CYFIP2: variants seen among roughly 807,000 people sequenced by gnomAD.
The protein encoded by CYFIP2 is cytoplasmic FMR1-interacting protein 2.
Under a neutral mutation model 158.7 loss-of-function variants are expected in CYFIP2, and 29 were observed. The observed-to-expected ratio is 0.18, with a 90% confidence interval of 0.14 to 0.25. The LOEUF is 0.25. Ranked by LOEUF, CYFIP2 falls within the 10% of genes least tolerant of loss-of-function variation. The probability of loss-of-function intolerance (pLI) is 1.00; values close to 1 mark genes in which losing one functional copy is unlikely to be tolerated. For missense variants in CYFIP2, 852 were observed against 1,639.5 expected (o/e 0.52, Z 8.29); for synonymous variants, 585 against 617.6 (o/e 0.95, Z 0.78).
At chr5:157,370,831 C>T (rs1030378233) in intron 26 of CYFIP2, among the ~76,000 whole-genome samples, 3 of 152,180 alleles carry the variant, frequency 2.0e-5, no homozygotes, top group African/African-American at 7.2e-5. Flanking sequence ...AATAATAATT[C>T]TATTATCCCC....
intron 23 of CYFIP2, among the ~76,000 whole-genome samples, chr5:157,350,479 G>C (rs1762991109): frequency 6.6e-6 from 1 of 152,152 alleles, no homozygotes; most frequent in South Asian, 2.1e-4. Flanking sequence ...CTGTTCCATT[G>C]GTCTATATGC....
At chr5:157,366,627 G>C (rs1764395586) in intron 26 of CYFIP2, among the ~76,000 whole-genome samples, 1 of 152,182 alleles carries the variant, frequency 6.6e-6, no homozygotes, top group Non-Finnish European at 1.5e-5. Flanking sequence ...TGTAGTGGTA[G>C]TGCTATGTCT....
intron 15 of CYFIP2, among the ~76,000 whole-genome samples, chr5:157,321,020 C>T (rs1043888216): frequency 6.6e-6 from 1 of 152,220 alleles, no homozygotes; most frequent in African/African-American, 2.4e-5. Context: ...GTCCTAGATA[C>T]CTGTGTGACC....
chr5:157,307,743 G>T lies in CYFIP2; in HGVS notation c.796-18G>T. ...CAGATGTGATTAGTTTCTATGCTCT[G>T]CCCTCTTCTCATTCTAGGTGATGGG... On this transcript the variant is annotated intron_variant, in intron 8 of 30. Transcript: ENST00000620254. The T allele has an allele frequency of 2.0e-6, 3 of 1,526,820 alleles. No homozygotes were observed. Among genetic ancestry groups the T allele is most frequent in the African/African-American group, 1.4e-5 (1 of 73,268 alleles). The allele number at this position is 1,526,820 out of a possible 1,614,324, so 94.6% of individuals were successfully genotyped here. A position where few individuals can be genotyped will look rare whatever the true frequency, so the allele number is the denominator to read the frequency against.
chr5:157,301,654 G>A (rs1451019265), intron 6 of CYFIP2, among the ~76,000 whole-genome samples: 1 of 152,180 alleles, frequency 6.6e-6, no homozygotes, highest in African/African-American at 2.4e-5. Flanking sequence ...GGTTAGCCAG[G>A]AGAGGGTCTC....
At position 157,304,385 on chromosome 5, in the gene CYFIP2, C is replaced by G. The variant is rs765421285; in HGVS notation, c.795+19C>G. 3.7e-6 allele frequency: 6 copies of G among 1,609,832 alleles called. 1 individual carries two copies. Among genetic ancestry groups the G allele is most frequent in the Non-Finnish European group, 5.1e-6 (6 of 1,177,086 alleles). On this transcript the variant is annotated intron_variant, in intron 8 of 30. Transcript: ENST00000620254. ...CCTCAAGGTAAAACTCCCCTGAGGC[C>G]GCACCCATGGAGCCTGGGCTTACCC...
At chr5:157,303,453 A>G (rs963258465) in intron 7 of CYFIP2, among the ~76,000 whole-genome samples, 3 of 152,198 alleles carry the variant, frequency 2.0e-5, no homozygotes, top group African/African-American at 7.2e-5. Context: ...GCCCAACATA[A>G]GCAAGACAAG....
chr5:157,336,282 C>T (rs563646266), intron 21 of CYFIP2, among the ~76,000 whole-genome samples: 1 of 152,176 alleles, frequency 6.6e-6, no homozygotes. Context: ...CAGCAAGACC[C>T]GATGCTGAAG....
intron 1 of CYFIP2, among the ~76,000 whole-genome samples, chr5:157,278,272 C>A (rs552144689): frequency 6.6e-6 from 1 of 151,982 alleles, no homozygotes; most frequent in Non-Finnish European, 1.5e-5. Flanking sequence ...CTGGCTGGAG[C>A]GCCATACGGA....
At chr5:157,360,169 G>A (rs1051429674) in intron 24 of CYFIP2, 113 bp from the exon 25 acceptor site, 3 of 815,042 alleles carry the variant, frequency 3.7e-6, no homozygotes, top group African/African-American at 1.7e-5. Flanking sequence ...CAAAGGGACT[G>A]TTCCCCGCCT....
chr5:157,364,870 G>T (rs1009420578), intron 26 of CYFIP2: 13 of 152,104 alleles, frequency 8.5e-5, no homozygotes, highest in Admixed American at 6.5e-4. Context: ...CATCATAGAG[G>T]AAAGGCTGTA....
chr5:157,387,185 A>G (rs985635266), intron 28 of CYFIP2, among the ~76,000 whole-genome samples: 4 of 152,376 alleles, frequency 2.6e-5, no homozygotes, highest in Non-Finnish European at 5.9e-5. Flanking sequence ...TACATATTTT[A>G]AGAATGCTCA....
chr5:157,286,552 G>GTATA (rs34826918), intron 2 of CYFIP2, among the ~76,000 whole-genome samples: 2,284 of 138,028 alleles, frequency 0.017, 22 homozygotes, highest in South Asian at 0.032. Flanking sequence ...GCTATTTTAT[G>GTATA]TATATATATA....
chr5:157,304,998 C>T (rs1759095150), intron 8 of CYFIP2, among the ~76,000 whole-genome samples: 1 of 152,098 alleles, frequency 6.6e-6, no homozygotes, highest in Non-Finnish European at 1.5e-5. Context: ...TAAATGAGAA[C>T]ATACAATATT....
intron 1 of CYFIP2, among the ~76,000 whole-genome samples, chr5:157,282,817 T>C (rs967538003): frequency 1.3e-5 from 2 of 152,214 alleles, no homozygotes; most frequent in Non-Finnish European, 2.9e-5. Flanking sequence ...AAATGGTGTA[T>C]CTCCTTGTAA....
chr5:157,378,700 A>G (rs1765725339), intron 26 of CYFIP2, among the ~76,000 whole-genome samples: 1 of 152,156 alleles, frequency 6.6e-6, no homozygotes. Context: ...TGTCCACAGG[A>G]TGGGGACAGT....
At chr5:157,355,927 G>A (rs1763378657) in intron 23 of CYFIP2, among the ~76,000 whole-genome samples, 2 of 152,136 alleles carry the variant, frequency 1.3e-5, no homozygotes, top group South Asian at 4.1e-4. Context: ...CCCTCTTCAG[G>A]AGAAAATTTA....
At chr5:157,329,474 C>G (rs1038148713) in intron 19 of CYFIP2, among the ~76,000 whole-genome samples, 2 of 152,224 alleles carry the variant, frequency 1.3e-5, no homozygotes, top group Admixed American at 1.3e-4. Flanking sequence ...TTGAGAGATT[C>G]AGGGAAAGCC....
chr5:157,295,548 T>C (rs1435988036), intron 4 of CYFIP2, among the ~76,000 whole-genome samples: 2 of 152,254 alleles, frequency 1.3e-5, no homozygotes, highest in East Asian at 1.9e-4. Context: ...TCAGATTTTC[T>C]ATGCCTGTCT....
Sources: gnomAD v4.1 joint callset for allele counts (sites outside exome capture counted in the v4.1 genomes callset) on GRCh38, gnomAD v4.1.1 for gene constraint, MANE v1.5 for transcripts, NCBI Gene and HGNC (gene_info 2026-07-23, HGNC 2026-07-21) for gene names.